The following KHDRBS2 variants were observed in gnomAD, a reference collection of about 807,000 sequenced individuals.
KHDRBS2 encodes the protein KH RNA binding domain containing, signal transduction associated 2, also known as KH domain-containing, RNA-binding, signal transduction-associated protein 2.
A neutral mutation model predicts 44.3 loss-of-function variants in KHDRBS2; 26 were observed. The ratio of observed to expected loss-of-function variants is 0.59; its 90% confidence interval spans 0.43 to 0.81. The LOEUF is 0.81. Among genes scored for constraint, KHDRBS2 ranks in the 40% least tolerant of loss-of-function variants. The probability of loss-of-function intolerance (pLI) is 0.00; values close to 1 mark genes in which losing one functional copy is unlikely to be tolerated. For synonymous variants in KHDRBS2, 194 were observed against 151.1 expected, an observed-to-expected ratio of 1.28 and a Z score of -2.08; for missense variants, 476 against 433.1, an observed-to-expected ratio of 1.10 and a Z score of -0.88.
At chr6:61,556,658 G>T in the KHDRBS2 span, among the ~76,000 whole-genome samples, 5 of 152,012 alleles carry the variant, frequency 3.3e-5, no homozygotes, top group African/African-American at 9.7e-5. Context: ...GGAAAATATG[G>T]AGTTTAACCA....
At chr6:61,700,020 T>C (rs1401528774) in intron 7 of KHDRBS2, among the ~76,000 whole-genome samples, 3 of 151,948 alleles carry the variant, frequency 2.0e-5, no homozygotes, top group African/African-American at 7.2e-5. Context: ...AGTCCTCATA[T>C]AGGGGTAGCA....
chr6:62,042,543 C>T (rs1450005441), intron 3 of KHDRBS2, among the ~76,000 whole-genome samples: 1 of 152,046 alleles, frequency 6.6e-6, no homozygotes, highest in Non-Finnish European at 1.5e-5. Context: ...CACAGCCTGA[C>T]TGACAAGCAA....
chr6:61,878,474 G>A (rs942752789), intron 6 of KHDRBS2, among the ~76,000 whole-genome samples: 12 of 151,980 alleles, frequency 7.9e-5, no homozygotes, highest in Non-Finnish European at 1.5e-4. Context: ...ATCTGTAGCT[G>A]ACTGTCTAAA....
At chr6:61,588,620 CA>C in the KHDRBS2 span, among the ~76,000 whole-genome samples, 4 of 151,838 alleles carry the variant, frequency 2.6e-5, no homozygotes, top group African/African-American at 4.8e-5. Flanking sequence ...CTTGTCTCTA[CA>C]AAAAAACAAA....
At chr6:61,876,323 G>A (rs1226976908) in intron 6 of KHDRBS2, among the ~76,000 whole-genome samples, 1 of 151,984 alleles carries the variant, frequency 6.6e-6, no homozygotes, top group Non-Finnish European at 1.5e-5. Flanking sequence ...AAGGCTAACA[G>A]GTTCTTTCAG....
At chr6:61,742,295 A>C (rs565372104) in intron 6 of KHDRBS2, among the ~76,000 whole-genome samples, 4 of 151,958 alleles carry the variant, frequency 2.6e-5, no homozygotes, top group Non-Finnish European at 5.9e-5. Context: ...TAGAATGTCT[A>C]CTTCATATAT....
chr6:61,848,469 T>TTATATATATA (rs796641130), intron 6 of KHDRBS2, among the ~76,000 whole-genome samples: 5 of 73,678 alleles, frequency 6.8e-5, no homozygotes, highest in Admixed American at 1.4e-4. Flanking sequence ...AATGGAGGTT[T>TTATATATATA]TATATATATA....
chr6:61,604,889 G>T, the KHDRBS2 span, among the ~76,000 whole-genome samples: 2 of 152,066 alleles, frequency 1.3e-5, no homozygotes, highest in Non-Finnish European at 2.9e-5. Flanking sequence ...GTCTGGCCTG[G>T]CCTTCCCACC....
intron 4 of KHDRBS2, among the ~76,000 whole-genome samples, chr6:61,947,277 C>G (rs931791472): frequency 6.6e-6 from 1 of 152,074 alleles, no homozygotes; most frequent in Non-Finnish European, 1.5e-5. Flanking sequence ...ACACAACAGT[C>G]TCTAAATAAT....
At chr6:61,904,021 C>T (rs1475970971) in intron 4 of KHDRBS2, among the ~76,000 whole-genome samples, 4 of 152,098 alleles carry the variant, frequency 2.6e-5, no homozygotes, top group East Asian at 1.9e-4. Context: ...GTAAGTATTG[C>T]GGTGGTTTGT....
chr6:62,053,251 A>G (rs2127315601), intron 2 of KHDRBS2, among the ~76,000 whole-genome samples: 1 of 152,112 alleles, frequency 6.6e-6, no homozygotes, highest in African/African-American at 2.4e-5. Flanking sequence ...TCTATGCACC[A>G]GAGAAAAAAA....
At chr6:62,171,284 A>C (rs1023721034) in intron 2 of KHDRBS2, among the ~76,000 whole-genome samples, 1 of 152,168 alleles carries the variant, frequency 6.6e-6, no homozygotes, top group African/African-American at 2.4e-5. Context: ...AAATTTAATA[A>C]TACAATCACA....
At chr6:62,107,116 T>G (rs987025094) in intron 2 of KHDRBS2, among the ~76,000 whole-genome samples, 9 of 151,496 alleles carry the variant, frequency 5.9e-5, no homozygotes, top group African/African-American at 1.9e-4. Flanking sequence ...GAGAAGGAAA[T>G]AAAGGGTATT....
chr6:62,165,389 C>T (rs1585023924), intron 2 of KHDRBS2, among the ~76,000 whole-genome samples: 1 of 149,846 alleles, frequency 6.7e-6, no homozygotes, highest in Middle Eastern at 3.5e-3. Flanking sequence ...ATCTCTCTAA[C>T]ACTTTTTCAA....
At chr6:61,652,730 C>A in the KHDRBS2 span, among the ~76,000 whole-genome samples, 6,752 of 152,066 alleles carry the variant, frequency 0.044, 156 homozygotes, top group East Asian at 0.084. Context: ...AATAAAGGAA[C>A]CACCCAGAGC....
chr6:61,564,667 T>C, the KHDRBS2 span, among the ~76,000 whole-genome samples: 1 of 152,024 alleles, frequency 6.6e-6, no homozygotes, highest in Non-Finnish European at 1.5e-5. Flanking sequence ...TGTTGCTCAT[T>C]TATTAAGGAC....
chr6:61,724,375 G>GTAAAAAA (rs1773204607), intron 7 of KHDRBS2, among the ~76,000 whole-genome samples: 1 of 152,044 alleles, frequency 6.6e-6, no homozygotes, highest in Non-Finnish European at 1.5e-5. Context: ...CTGAAGTACA[G>GTAAAAAA]ACCAGTGATA....
chr6:62,044,733 T>A (rs575304622), intron 3 of KHDRBS2, among the ~76,000 whole-genome samples: 2 of 152,168 alleles, frequency 1.3e-5, no homozygotes, highest in Non-Finnish European at 2.9e-5. Context: ...TATTTAGTTT[T>A]TCTGTTGGAT....
chr6:61,945,122 T>TA (rs1379052888), intron 4 of KHDRBS2, among the ~76,000 whole-genome samples: 2 of 74,152 alleles, frequency 2.7e-5, no homozygotes, highest in East Asian at 9.8e-4. Context: ...AGTATATATA[T>TA]ATATATATAT....
Sources: allele counts gnomAD v4.1 joint callset (sites outside exome capture counted in the v4.1 genomes callset), GRCh38; gene constraint gnomAD v4.1.1; transcripts MANE v1.5; gene names NCBI Gene and HGNC (gene_info 2026-07-23, HGNC 2026-07-21).